The following TTC3 variants were observed in gnomAD, a reference collection of about 807,000 sequenced individuals.
The protein encoded by TTC3 is E3 ubiquitin-protein ligase TTC3.
In TTC3, 180 loss-of-function variants were observed where a neutral mutation model predicts 249.6. The observed-to-expected ratio is 0.72, with a 90% CI of 0.64 to 0.82. The LOEUF is 0.82. Among genes scored for constraint, TTC3 ranks in the 40% least tolerant of loss-of-function variants. TTC3 has a pLI of 0.00. For synonymous variants in TTC3, 717 were observed against 805.0 expected (o/e 0.89, Z 1.85); for missense variants, 2,061 against 2,398.4 (o/e 0.86, Z 2.94).
chr21:37,194,063 G>A (rs1275779005), intron 41 of TTC3: 1 of 152,194 alleles, frequency 6.6e-6, no homozygotes, highest in Non-Finnish European at 1.5e-5. Flanking sequence ...TGTAATAGAA[G>A]CCCAGTATGA....
Position 37,082,729 on chromosome 21 carries a change from C to G in TTC3, c.-11-4518C>G, listed in dbSNP as rs538046618. The G allele has an allele frequency of 1.3e-5, 13 of 984,402 alleles. No individual in the cohort carries two copies. In the African/African-American group the frequency reaches 1.8e-4, roughly 13 times the overall value. The allele number at this position is 984,402 out of a possible 1,614,324, so 61.0% of individuals were successfully genotyped here. A position where few individuals can be genotyped will look rare whatever the true frequency, so the allele number is the denominator to read the frequency against. ...TCCAAAAAGTGTTTTTTTTTTTAAT[C>G]TAGGATATACCTTTTTCCTCCCAAC... On this transcript the variant is annotated intron_variant, in intron 1 of 45. Coordinates refer to ENST00000355666, the Ensembl canonical transcript of TTC3.
At chr21:37,165,740 T>C in exon 33 of TTC3, 1 of 1,613,460 alleles carries the variant, frequency 6.2e-7, no homozygotes, top group Middle Eastern at 1.6e-4. Flanking sequence ...GAAGGTTGCA[T>C]CACGGCTCAA....
intron 34 of TTC3, among the ~76,000 whole-genome samples, chr21:37,171,929 A>G (rs941831428): frequency 2.0e-5 from 3 of 152,238 alleles, no homozygotes; most frequent in Non-Finnish European, 2.9e-5. Flanking sequence ...CCTGGCTGCC[A>G]CAGGGAGGAC....
intron 35 of TTC3, among the ~76,000 whole-genome samples, chr21:37,174,724 C>T (rs1236255846): frequency 6.6e-6 from 1 of 152,184 alleles, no homozygotes. Flanking sequence ...CACCCTAGCA[C>T]CTCCATGTAG....
At position 37,201,470 on chromosome 21, in the gene TTC3, G is replaced by A. The variant is rs758901896; in HGVS notation, c.5974G>A (p.Ala1992Thr). Residue 1992 changes from alanine to threonine, a missense_variant, in exon 46 of 46, where the codon GCT becomes ACT. Ala to Thr is a moderately conservative substitution (Grantham distance 58, BLOSUM62 0). Transcript: ENST00000355666. Reference sequence around the variant, plus strand: ...TAAGCAGTGGCTTAAAGGGCAGAGCGCTTGCCCGGCCTGCCAGGGTCGTGA... The same window carrying A: ...TAAGCAGTGGCTTAAAGGGCAGAGCACTTGCCCGGCCTGCCAGGGTCGTGA... The A allele has an allele frequency of 2.5e-5, 41 of 1,613,850 alleles. No individual in the cohort carries two copies. The highest frequency in any genetic ancestry group is 1.7e-4 in the Middle Eastern group (1 of 5,902).
chr21:37,164,052 A>T, exon 32 of TTC3: 1 of 1,599,550 alleles, frequency 6.3e-7, no homozygotes, highest in Non-Finnish European at 8.5e-7. Context: ...ATTTACCAGC[A>T]ATCGAAATTC....
At chr21:37,139,188 G>A (rs1222049522) in intron 19 of TTC3, among the ~76,000 whole-genome samples, 1 of 152,076 alleles carries the variant, frequency 6.6e-6, no homozygotes, top group Non-Finnish European at 1.5e-5. Context: ...GGGAGGTTTC[G>A]TGTTATGCTG....
At chr21:37,144,409 T>C (rs2078800139) in intron 20 of TTC3, 116 bp from the exon 21 acceptor site, 15 of 1,237,374 alleles carry the variant, frequency 1.2e-5, no homozygotes, top group Non-Finnish European at 1.6e-5. Flanking sequence ...AATATTGCTG[T>C]TCAGTGATTC....
Position 37,152,918 on chromosome 21 carries a change from T to C in TTC3, c.2414-33T>C, listed in dbSNP as rs766605818. The C allele has an allele frequency of 4.0e-6, 6 of 1,496,140 alleles. No individual in the cohort carries two copies. In the Admixed American group the frequency reaches 1.1e-4, roughly 28 times the overall value. 92.7% of individuals were successfully genotyped at this position (1,496,140 alleles called of 1,614,324 possible). On this transcript the variant is annotated intron_variant, in intron 26 of 45. Transcript: ENST00000355666. ...TTTATGTAATTGTGAATTAGTCCTA[T>C]TTATCACTTTAACCATTGTTATTTA...
At chr21:37,195,924 G>A in exon 42 of TTC3, 4 of 1,614,228 alleles carry the variant, frequency 2.5e-6, no homozygotes, top group Non-Finnish European at 3.4e-6. Context: ...CCCTGTGGCT[G>A]ATCGGAAGCA....
chr21:37,172,090 G>A (rs902211085), intron 34 of TTC3, among the ~76,000 whole-genome samples: 2 of 152,076 alleles, frequency 1.3e-5, no homozygotes, highest in Non-Finnish European at 2.9e-5. Context: ...TTTTGTTGTT[G>A]TTAAGCTGGT....
At chr21:37,147,510 C>T in exon 22 of TTC3, 1 of 1,608,288 alleles carries the variant, frequency 6.2e-7, no homozygotes, top group South Asian at 1.1e-5. Context: ...TTGAAGAATG[C>T]AAGTTCCCTC....
chr21:37,118,936 A>G (rs2076374187), intron 11 of TTC3, among the ~76,000 whole-genome samples: 3 of 152,122 alleles, frequency 2.0e-5, no homozygotes, highest in Admixed American at 2.0e-4. Flanking sequence ...AACATATTCC[A>G]TCTTTCCTTT....
chr21:37,122,941 C>T (rs1327960145), intron 12 of TTC3, 42 bp from the exon 13 acceptor site: 16 of 1,594,522 alleles, frequency 1.0e-5, no homozygotes, highest in Non-Finnish European at 1.4e-5. Flanking sequence ...TGTTGCCAAT[C>T]CATTGATTAC....
intron 37 of TTC3, 70 bp from the exon 38 acceptor site, chr21:37,186,979 C>A: frequency 1.1e-6 from 1 of 931,302 alleles, no homozygotes; most frequent in Non-Finnish European, 1.6e-6. Flanking sequence ...GCTCATCCAG[C>A]CTGAAACCTT....
chr21:37,188,679 G>C, intron 39 of TTC3, 84 bp downstream of exon 39: 1 of 973,396 alleles, frequency 1.0e-6, no homozygotes, highest in Non-Finnish European at 1.5e-6. Flanking sequence ...TTTTGTATTA[G>C]GACCATTTTA....
intron 8 of TTC3, 149 bp from the exon 9 acceptor site, chr21:37,095,201 G>T: frequency 1.8e-6 from 1 of 545,236 alleles, no homozygotes; most frequent in Non-Finnish European, 3.4e-6. Context: ...ACAAAATATT[G>T]GGTATTGTAA....
Position 37,144,407 on chromosome 21 carries a change from T to C in TTC3, c.1773-118T>C, listed in dbSNP as rs1450743301. 6.7e-6 allele frequency: 8 copies of C among 1,202,788 alleles called. No individual in the cohort carries two copies. In the African/African-American group the frequency reaches 1.2e-4, roughly 19 times the overall value. 74.5% of individuals were successfully genotyped at this position (1,202,788 alleles called of 1,614,324 possible). A position where few individuals can be genotyped will look rare whatever the true frequency, so the allele number is the denominator to read the frequency against. On this transcript the variant is annotated intron_variant, in intron 20 of 45. Coordinates refer to ENST00000355666, the Ensembl canonical transcript of TTC3. ...AAATTTAGGTTACATTGAATATTGC[T>C]GTTCAGTGATTCATCAAATGTATTC... is the stretch of plus-strand genomic sequence containing the variant.
intron 11 of TTC3, 127 bp downstream of exon 11, chr21:37,108,573 G>C (rs533285409): frequency 1.1e-6 from 1 of 891,846 alleles, no homozygotes; most frequent in South Asian, 1.8e-5. Flanking sequence ...AATGTGAAAG[G>C]GGAGTCATCA....
Sources: allele counts gnomAD v4.1 joint callset (sites outside exome capture counted in the v4.1 genomes callset), GRCh38; gene constraint gnomAD v4.1.1; transcripts MANE v1.5; gene names NCBI Gene and HGNC (gene_info 2026-07-23, HGNC 2026-07-21).